Variants in CFTR observed in about 807,000 individuals in gnomAD.
CFTR encodes cystic fibrosis transmembrane conductance regulator.
CFTR carries 181 observed loss-of-function variants against 171.6 expected under a neutral mutation model. The observed-to-expected ratio is 1.05, with a 90% CI of 0.93 to 1.19. CFTR has a LOEUF of 1.19. Ranked by LOEUF, CFTR falls within the 50% of genes most tolerant of loss-of-function variation. The probability of loss-of-function intolerance (pLI) is 0.00; values close to 1 mark genes in which losing one functional copy is unlikely to be tolerated. For synonymous variants in CFTR, 583 were observed against 608.0 expected (o/e 0.96, Z 0.60); for missense variants, 1,968 against 1,734.7 (o/e 1.13, Z -2.39).
At chr7:117,613,392 G>T (rs183152112) in intron 20 of CFTR, among the ~76,000 whole-genome samples, 10 of 152,152 alleles carry the variant, frequency 6.6e-5, no homozygotes, top group Middle Eastern at 3.4e-3. Flanking sequence ...ATTATCCCTG[G>T]CTCAATTGGT....
At chr7:117,635,602 T>C (rs1186962645) in intron 22 of CFTR, among the ~76,000 whole-genome samples, 2 of 152,050 alleles carry the variant, frequency 1.3e-5, no homozygotes, top group African/African-American at 4.8e-5. Flanking sequence ...TTTCTTAGCA[T>C]AGTAATTCTT....
Position 117,539,442 on chromosome 7 carries a change from G to A in CFTR, c.870-658G>A, listed in dbSNP as rs190919564. Among the ~76,000 whole-genome samples, 46 of 150,844 alleles carry A rather than the reference G, an allele frequency of 3.0e-4. No individual in the cohort carries two copies. The East Asian group carries it at 8.9e-3, about 29-fold the overall frequency. ...TTGGGTTTTTTTTTTTGTTTCAAACGCAAATCCTGGAAACCTACTGAGACT... is the reference window on the plus strand; with the variant it reads ...TTGGGTTTTTTTTTTTGTTTCAAACACAAATCCTGGAAACCTACTGAGACT... On this transcript the variant is annotated intron_variant, in intron 7 of 26. Coordinates refer to ENST00000003084, the MANE Select transcript of CFTR (RefSeq NM_000492.4).
intron 21 of CFTR, among the ~76,000 whole-genome samples, chr7:117,619,768 A>T (rs376198935): frequency 3.1e-4 from 47 of 152,302 alleles, no homozygotes; most frequent in African/African-American, 1.0e-3. Context: ...GAAGGCAATG[A>T]GTCTGCAAGG....
At chr7:117,634,976 T>C (rs1456482258) in intron 22 of CFTR, among the ~76,000 whole-genome samples, 2 of 152,140 alleles carry the variant, frequency 1.3e-5, no homozygotes, top group African/African-American at 4.8e-5. Flanking sequence ...AGTTGATTGA[T>C]GGTGCTGTTG....
chr7:117,556,512 CTTTTTTTT>C (rs55700428), intron 10 of CFTR, among the ~76,000 whole-genome samples: 7 of 45,906 alleles, frequency 1.5e-4, no homozygotes, highest in African/African-American at 6.8e-4. Flanking sequence ...TGTTTCATTT[CTTTTTTTT>C]TTTTTTTTTT....
chr7:117,652,449 C>CT (rs1486632571), intron 23 of CFTR, among the ~76,000 whole-genome samples: 6 of 152,124 alleles, frequency 3.9e-5, no homozygotes, highest in Admixed American at 6.6e-5. Flanking sequence ...GGAATTTGTT[C>CT]TAACAGGTTA....
At chr7:117,569,912 C>T (rs1791663025) in intron 11 of CFTR, among the ~76,000 whole-genome samples, 1 of 152,140 alleles carries the variant, frequency 6.6e-6, no homozygotes, top group Admixed American at 6.6e-5. Context: ...AGTTTGTACT[C>T]TCGTGTAACT....
intron 1 of CFTR, among the ~76,000 whole-genome samples, chr7:117,503,490 A>G (rs1465960438): frequency 1.3e-5 from 2 of 152,126 alleles, no homozygotes; most frequent in African/African-American, 2.4e-5. Flanking sequence ...TCCTATCTTT[A>G]TGAAGATTAT....
intron 10 of CFTR, among the ~76,000 whole-genome samples, chr7:117,557,171 G>T (rs2115930309): frequency 6.6e-6 from 1 of 151,872 alleles, no homozygotes; most frequent in Admixed American, 6.6e-5. Context: ...ATTTATATTT[G>T]TTTCCTCTTT....
intron 3 of CFTR, among the ~76,000 whole-genome samples, chr7:117,509,847 C>T (rs1055232081): frequency 6.6e-6 from 1 of 152,092 alleles, no homozygotes; most frequent in Non-Finnish European, 1.5e-5. Flanking sequence ...GAGACAGATT[C>T]AAGACTTGTT....
At chr7:117,654,841 G>GA (rs1793144131) in intron 24 of CFTR, among the ~76,000 whole-genome samples, 1 of 152,212 alleles carries the variant, frequency 6.6e-6, no homozygotes, top group South Asian at 2.1e-4. Context: ...TCTGCAATGT[G>GA]AGGTGGCACG....
Position 117,549,086 on chromosome 7 carries a change from C to T in CFTR, c.1392+263C>T, listed in dbSNP as rs200833120. Among the ~76,000 whole-genome samples, 11 of 152,332 alleles carry T rather than the reference C, an allele frequency of 7.2e-5. No individual in the cohort carries two copies. Among genetic ancestry groups the T allele is most frequent in the East Asian group, 1.9e-4 (1 of 5,186 alleles). On this transcript the variant is annotated intron_variant, in intron 10 of 26. Transcript: ENST00000003084. ...ATTCAACACTGTATCTTGCACATGG[C>T]GAGCATTCAATAACTTTATTGAATA...
At chr7:117,524,518 G>T (rs1470342283) in intron 3 of CFTR, among the ~76,000 whole-genome samples, 1 of 151,960 alleles carries the variant, frequency 6.6e-6, no homozygotes, top group Non-Finnish European at 1.5e-5. Flanking sequence ...ATTAAATATT[G>T]CCATTGTAAG....
At chr7:117,507,932 G>A (rs1798447268) in intron 2 of CFTR, among the ~76,000 whole-genome samples, 1 of 152,110 alleles carries the variant, frequency 6.6e-6, no homozygotes, top group Non-Finnish European at 1.5e-5. Flanking sequence ...CTACAGGCAT[G>A]CACCACCAGG....
intron 25 of CFTR, 49 bp from the exon 26 acceptor site, chr7:117,665,410 A>T: frequency 1.9e-6 from 2 of 1,057,166 alleles, no homozygotes; most frequent in Non-Finnish European, 3.0e-6. Context: ...GTAAATACAG[A>T]TCATTACTGT....
chr7:117,555,460 C>T (rs1003212183), intron 10 of CFTR, among the ~76,000 whole-genome samples: 24 of 152,322 alleles, frequency 1.6e-4, no homozygotes, highest in African/African-American at 5.5e-4. Context: ...CCACGTGATG[C>T]TAATCATCTC....
intron 23 of CFTR, 91 bp downstream of exon 23, chr7:117,642,684 TG>T: frequency 7.4e-7 from 1 of 1,351,588 alleles, no homozygotes; most frequent in Non-Finnish European, 1.0e-6. Flanking sequence ...CATATTACTC[TG>T]CAAAATATAT....
At position 117,559,566 on chromosome 7, in the gene CFTR, C is replaced by G. The variant is rs397508219; in HGVS notation, c.1495C>G (p.Pro499Ala). Reference sequence around the variant, plus strand: ...CTGTTCTCAGTTTTCCTGGATTATGCCTGGCACCATTAAAGAAAATATCAT... The same window carrying G: ...CTGTTCTCAGTTTTCCTGGATTATGGCTGGCACCATTAAAGAAAATATCAT... Reference protein sequence around the residue: ...SFCSQFSWIMPGTIKENIIFG... With the variant: ...SFCSQFSWIMAGTIKENIIFG... The change falls in exon 11 of 27, where the codon CCT (proline) becomes GCT (alanine). Residue 499 changes from proline to alanine, a missense_variant. Transcript: ENST00000003084. 12 of 1,611,738 alleles carry G rather than the reference C, an allele frequency of 7.4e-6. No individual in the cohort carries two copies. The highest frequency in any genetic ancestry group is 1.7e-5 in the Admixed American group (1 of 59,992).
chr7:117,598,472 G>A (rs1313264963), intron 15 of CFTR, among the ~76,000 whole-genome samples: 1 of 152,178 alleles, frequency 6.6e-6, no homozygotes, highest in African/African-American at 2.4e-5. Context: ...AAGAAGGCTT[G>A]ATGATATTTG....
Sources: allele counts gnomAD v4.1 joint callset (sites outside exome capture counted in the v4.1 genomes callset), GRCh38; gene constraint gnomAD v4.1.1; transcripts MANE v1.5; gene names NCBI Gene and HGNC (gene_info 2026-07-23, HGNC 2026-07-21).